NBAS: variants seen among roughly 807,000 people sequenced by gnomAD.
NBAS encodes NBAS subunit of NRZ tethering complex.
Under a neutral mutation model 302.5 loss-of-function variants are expected in NBAS, and 219 were observed. The ratio of observed to expected loss-of-function variants is 0.72; its 90% CI spans 0.65 to 0.81. NBAS has a LOEUF of 0.81. Ranked by LOEUF, NBAS falls within the 30% of genes least tolerant of loss-of-function variation. NBAS has a pLI of 0.00. For missense variants in NBAS, 2,932 were observed against 2,841.6 expected (o/e 1.03, Z -0.72); for synonymous variants, 1,118 against 1,021.6 (o/e 1.09, Z -1.80).
intron 35 of NBAS, among the ~76,000 whole-genome samples, chr2:15,335,133 T>C (rs545223981): frequency 2.1e-4 from 31 of 144,706 alleles, no homozygotes; most frequent in African/African-American, 4.0e-4. Flanking sequence ...GGCCAGAAGA[T>C]TGAGACCAGC....
intron 47 of NBAS, among the ~76,000 whole-genome samples, chr2:15,230,755 C>T (rs923934242): frequency 6.6e-6 from 1 of 152,162 alleles, no homozygotes; most frequent in Non-Finnish European, 1.5e-5. Flanking sequence ...CGGATGGCAG[C>T]TCCCTGGGAG....
chr2:14,900,780 C>A, the NBAS span, among the ~76,000 whole-genome samples: 2 of 152,152 alleles, frequency 1.3e-5, no homozygotes, highest in Non-Finnish European at 2.9e-5. Flanking sequence ...ACAAAGTATG[C>A]ACAGGGCATA....
chr2:14,936,793 G>C, the NBAS span, among the ~76,000 whole-genome samples: 1 of 152,178 alleles, frequency 6.6e-6, no homozygotes, highest in Admixed American at 6.5e-5. Flanking sequence ...CATGCAGTAG[G>C]CTGATCTTTG....
At chr2:15,132,009 A>G in the NBAS span, among the ~76,000 whole-genome samples, 1 of 152,204 alleles carries the variant, frequency 6.6e-6, no homozygotes, top group African/African-American at 2.4e-5. Flanking sequence ...CACCTTCAAC[A>G]TCAGGGATCA....
the NBAS span, among the ~76,000 whole-genome samples, chr2:15,059,316 A>G: frequency 6.6e-6 from 1 of 152,188 alleles, no homozygotes; most frequent in Non-Finnish European, 1.5e-5. Context: ...CTGTACAGTA[A>G]ATGTTCCTTG....
chr2:15,260,761 T>G (rs1197725727), intron 44 of NBAS, among the ~76,000 whole-genome samples: 1 of 152,226 alleles, frequency 6.6e-6, no homozygotes, highest in Non-Finnish European at 1.5e-5. Flanking sequence ...TCAAACTTTT[T>G]TGCCCAAGAC....
the NBAS span, among the ~76,000 whole-genome samples, chr2:15,043,506 A>C: frequency 6.6e-6 from 1 of 152,146 alleles, no homozygotes; most frequent in African/African-American, 2.4e-5. Flanking sequence ...GCCAGGACAC[A>C]GGACTGTCCT....
chr2:15,376,682 T>C lies in NBAS; in HGVS notation c.3591-1962A>G, dbSNP rs184322982. On this transcript the variant is annotated intron_variant, in intron 30 of 51. Transcript: ENST00000281513. ...TAAATATTAGTCATCTGGGGGAAAATGAATCTCTCCAATATATCCTTTTTG... is the reference window on the plus strand; with the variant it reads ...TAAATATTAGTCATCTGGGGGAAAACGAATCTCTCCAATATATCCTTTTTG... Among the ~76,000 whole-genome samples the C allele has an allele frequency of 1.2e-3, 182 of 152,270 alleles. 1 individual carries two copies. The highest frequency in any genetic ancestry group is 1.8e-3 in the Non-Finnish European group (125 of 68,006).
In NBAS at chr2:15,558,583, G is replaced by T. The variant is rs1339816196; in HGVS notation, c.169C>A (p.Arg57=). 1 of 1,612,086 alleles carries T rather than the reference G, an allele frequency of 6.2e-7. No individual in the cohort carries two copies. Among genetic ancestry groups the T allele is most frequent in the Non-Finnish European group, 8.5e-7 (1 of 1,178,968 alleles). ...GASFIITKAI[R]DRLLFLRQYI... is the part of the protein sequence containing the mutation. ...TAGAGAAATAAGCTATATTTACCTCGAATTGCTTTCGTGATGATAAAGGAT... is the reference window on the plus strand; with the variant it reads ...TAGAGAAATAAGCTATATTTACCTCTAATTGCTTTCGTGATGATAAAGGAT... The change falls in exon 2 of 52, where the codon CGA becomes AGA. Residue 57 remains arginine, a synonymous_variant. Coordinates refer to ENST00000281513, the MANE Select transcript of NBAS (RefSeq NM_015909.4).
At chr2:15,164,822 T>C (rs1483807064), downstream of NBAS, among the ~76,000 whole-genome samples, 2 of 152,190 alleles carry the variant, frequency 1.3e-5, no homozygotes, top group Non-Finnish European at 2.9e-5. Context: ...GTTCCTTCTT[T>C]TTCTCTTCCC....
At position 15,506,693 on chromosome 2, in the gene NBAS, A is replaced by G. The variant is rs78998286; in HGVS notation, c.886-2480T>C. Among the ~76,000 whole-genome samples, 1,234 of 152,338 alleles carry G rather than the reference A, an allele frequency of 8.1e-3. 11 individuals are homozygous for G. Among genetic ancestry groups the G allele is most frequent in the Non-Finnish European group, 0.013 (864 of 68,032 alleles). On this transcript the variant is annotated intron_variant, in intron 10 of 51. Coordinates refer to ENST00000281513, the MANE Select transcript of NBAS (RefSeq NM_015909.4). ...GAAAACTTCAGCAAAAGAACTGAGT[A>G]AGCATTTTAAAATACATAAATAGAT... is the stretch of plus-strand genomic sequence containing the variant.
the NBAS span, among the ~76,000 whole-genome samples, chr2:14,995,134 T>C: frequency 6.6e-6 from 1 of 152,194 alleles, no homozygotes; most frequent in Admixed American, 6.5e-5. Context: ...TATGTACACA[T>C]GTGCCATGTT....
the NBAS span, among the ~76,000 whole-genome samples, chr2:14,859,049 T>C: frequency 1.2e-4 from 18 of 151,760 alleles, no homozygotes; most frequent in Non-Finnish European, 2.7e-4. Context: ...CAGCAAACAA[T>C]CTGAAAAACA....
intron 48 of NBAS, among the ~76,000 whole-genome samples, chr2:15,194,870 C>T (rs922766408): frequency 4.0e-5 from 6 of 151,576 alleles, no homozygotes; most frequent in Non-Finnish European, 8.8e-5. Context: ...TACAATAATG[C>T]AAGAAAAAGA....
the NBAS span, among the ~76,000 whole-genome samples, chr2:15,067,912 G>A: frequency 2.6e-5 from 4 of 152,236 alleles, no homozygotes; most frequent in African/African-American, 9.6e-5. Context: ...TTAATTAATT[G>A]AGATTAACTG....
chr2:15,286,891 G>T (rs1460598909), intron 42 of NBAS, among the ~76,000 whole-genome samples, 182 bp downstream of exon 42: 1 of 152,200 alleles, frequency 6.6e-6, no homozygotes. Context: ...ACATTTGAAT[G>T]AATACATCAA....
the NBAS span, among the ~76,000 whole-genome samples, chr2:15,074,911 C>A: frequency 4.9e-4 from 74 of 152,318 alleles, no homozygotes; most frequent in African/African-American, 1.8e-3. Flanking sequence ...AATCCTTTCT[C>A]ACTTGTCAGA....
At chr2:14,983,791 A>C in the NBAS span, among the ~76,000 whole-genome samples, 2 of 152,202 alleles carry the variant, frequency 1.3e-5, no homozygotes, top group African/African-American at 4.8e-5. Context: ...AAGGAACATT[A>C]AACATACAAA....
the NBAS span, among the ~76,000 whole-genome samples, chr2:15,048,201 G>T: frequency 1.3e-5 from 2 of 152,206 alleles, no homozygotes; most frequent in Non-Finnish European, 2.9e-5. Flanking sequence ...GGAATAAAAT[G>T]ACCCTGCAGT....
Sources: allele counts gnomAD v4.1 joint callset (sites outside exome capture counted in the v4.1 genomes callset), GRCh38; gene constraint gnomAD v4.1.1; transcripts MANE v1.5; gene names NCBI Gene and HGNC (gene_info 2026-07-23, HGNC 2026-07-21).